Variants in TBX20 observed in about 807,000 individuals in gnomAD.
The protein encoded by TBX20 is T-box transcription factor 20.
TBX20 carries 8 observed loss-of-function variants against 42.9 expected under a neutral mutation model. That is an observed-to-expected ratio of 0.19 (90% confidence interval 0.11 to 0.34). The LOEUF (loss-of-function observed/expected upper bound fraction) is 0.34, where lower values mean the gene tolerates loss of function less well. Ranked by LOEUF, TBX20 falls within the 10% of genes least tolerant of loss-of-function variation. The pLI is 1.00. For missense variants in TBX20, 411 were observed against 566.0 expected (o/e 0.73, Z 2.78); for synonymous variants, 198 against 222.8 (o/e 0.89, Z 0.99).
At chr7:35,246,247 A>G (rs183571203) in intron 3 of TBX20, among the ~76,000 whole-genome samples, 5 of 152,292 alleles carry the variant, frequency 3.3e-5, no homozygotes, top group Admixed American at 3.3e-4. Context: ...CTACAGAGGA[A>G]CTGTAAAGGC....
At chr7:35,247,165 C>CAAAAA (rs757916672) in intron 3 of TBX20, among the ~76,000 whole-genome samples, 24 of 79,512 alleles carry the variant, frequency 3.0e-4, no homozygotes, top group South Asian at 1.1e-3. Flanking sequence ...GACTGGAGGG[C>CAAAAA]AAAAAAAAAA....
intron 1 of TBX20, 78 bp downstream of exon 1, chr7:35,253,416 G>C: frequency 6.5e-7 from 1 of 1,531,490 alleles, no homozygotes; most frequent in Non-Finnish European, 8.8e-7. Context: ...ACGTTGCTGC[G>C]AGCCGCCTGC....
At chr7:35,231,682 T>C (rs997424297) in intron 5 of TBX20, 102 bp from the exon 6 acceptor site, 6 of 787,542 alleles carry the variant, frequency 7.6e-6, no homozygotes, top group East Asian at 5.4e-5. Flanking sequence ...AATATCTTAA[T>C]GTTTCTCAGT....
At chr7:35,216,533 A>G (rs200291295) in intron 6 of TBX20, among the ~76,000 whole-genome samples, 1,133 of 144,290 alleles carry the variant, frequency 7.9e-3, no homozygotes, top group East Asian at 0.064. Context: ...TACCTGACAC[A>G]TAAGTGCTCA....
intron 7 of TBX20, among the ~76,000 whole-genome samples, chr7:35,203,580 T>C (rs1584337336): frequency 2.0e-5 from 3 of 152,244 alleles, no homozygotes; most frequent in South Asian, 2.1e-4. Flanking sequence ...ATGTAATACA[T>C]GTAACATACA....
rs150973568 is a variant in TBX20, at chr7:35,242,984, T to C, written c.655-1947A>G. On this transcript the variant is annotated intron_variant, in intron 4 of 7. Coordinates refer to ENST00000408931, the MANE Select transcript of TBX20 (RefSeq NM_001077653.2). ...TGGTGACAAAGGGTTATATTAAATATAATTTTTTTTTGAGACAGGGTCTTG... is the reference window on the plus strand; with the variant it reads ...TGGTGACAAAGGGTTATATTAAATACAATTTTTTTTTGAGACAGGGTCTTG... Among the ~76,000 whole-genome samples the C allele has an allele frequency of 2.6e-5, 4 of 152,260 alleles. No individual in the cohort carries two copies. The East Asian group carries it at 5.8e-4, about 22-fold the overall frequency.
chr7:35,243,799 A>G (rs1283284004), intron 4 of TBX20, among the ~76,000 whole-genome samples: 1 of 152,238 alleles, frequency 6.6e-6, no homozygotes, highest in African/African-American at 2.4e-5. Context: ...AGTTACTTCC[A>G]ATATCCCAAC....
intron 1 of TBX20, among the ~76,000 whole-genome samples, chr7:35,253,082 C>T (rs1030356914): frequency 6.6e-6 from 1 of 151,498 alleles, no homozygotes; most frequent in Admixed American, 6.6e-5. Flanking sequence ...CAGAGGAAAA[C>T]CAAAATTAAA....
intron 6 of TBX20, among the ~76,000 whole-genome samples, chr7:35,214,800 GAA>G (rs1789554173): frequency 6.6e-6 from 1 of 152,156 alleles, no homozygotes; most frequent in Non-Finnish European, 1.5e-5. Context: ...AATTTTACAT[GAA>G]CGTAGGAAAG....
intron 4 of TBX20, among the ~76,000 whole-genome samples, chr7:35,244,015 C>G (rs983679496): frequency 7.9e-5 from 12 of 152,208 alleles, no homozygotes; most frequent in African/African-American, 2.9e-4. Flanking sequence ...AACACTTCCT[C>G]TAAATTGCAT....
chr7:35,204,700 C>T, intron 6 of TBX20, 118 bp from the exon 7 acceptor site: 2 of 729,664 alleles, frequency 2.7e-6, no homozygotes, highest in Non-Finnish European at 2.4e-6. Context: ...AAAGCAACCA[C>T]TGCACAGAAA....
At chr7:35,248,533 C>T in intron 3 of TBX20, 144 bp downstream of exon 3, 1 of 845,016 alleles carries the variant, frequency 1.2e-6, no homozygotes, top group East Asian at 2.5e-5. Flanking sequence ...TTTGTGTAGT[C>T]AATCCTGGAG....
At position 35,244,976 on chromosome 7, in the gene TBX20, G is replaced by T. The variant is rs1225878672; in HGVS notation, c.627C>A (p.Thr209=). Residue 209 remains threonine (T), a synonymous_variant, in exon 4 of 8, where the codon ACC becomes ACA. Coordinates refer to ENST00000408931, the MANE Select transcript of TBX20 (RefSeq NM_001077653.2). ...GGCCATGTTGATCCAGTTCATTGTT[G>T]GTGAGTTTCACCTTTTCAAAAGACA... ...QMVSFEKVKL[T]NNELDQHGHI... 8 of 1,613,496 alleles carry T rather than the reference G, an allele frequency of 5.0e-6. No individual in the cohort carries two copies. The South Asian group carries it at 6.6e-5, about 13-fold the overall frequency.
Position 35,204,566 on chromosome 7 carries a change from G to C in TBX20, c.907C>G (p.Leu303Val). Reference sequence around the variant, plus strand: ...CGTGCATAGGAATGCTTTTGAATCAGGCTCTCCACACTTTCCCTAGGTTAG... The same window carrying C: ...CGTGCATAGGAATGCTTTTGAATCACGCTCTCCACACTTTCCCTAGGTTAG... Reference protein sequence around the residue: ...TDIERESVESLIQKHSYARSP... With the variant: ...TDIERESVESVIQKHSYARSP... The change falls in exon 7 of 8, where the codon CTG becomes GTG. Residue 303 changes from leucine to valine, a missense_variant. By Grantham distance (32) the Leu-to-Val change is conservative. Transcript: ENST00000408931. 6.2e-7 allele frequency: 1 copy of C among 1,613,596 alleles called. No individual in the cohort carries two copies. The highest frequency in any genetic ancestry group is 1.1e-5 in the South Asian group (1 of 91,016).
intron 5 of TBX20, among the ~76,000 whole-genome samples, chr7:35,236,380 T>C (rs1285870600): frequency 6.6e-6 from 1 of 152,110 alleles, no homozygotes. Context: ...TTATTTCCTA[T>C]ATATTTATTA....
In TBX20 at chr7:35,228,698, A is replaced by T. The variant is rs1254906590; in HGVS notation, c.890+2806T>A. 1.3e-5 allele frequency among the ~76,000 whole-genome samples: 2 copies of T among 152,140 alleles called. 1 individual carries two copies. Among genetic ancestry groups the T allele is most frequent in the East Asian group, 3.8e-4 (2 of 5,198 alleles). ...AGAAACATAAAATGCCAACTGAATG[A>T]CTGTCTAAAGCTTGTTATTATACGG... is the stretch of plus-strand genomic sequence containing the variant. On this transcript the variant is annotated intron_variant, in intron 6 of 7. Transcript: ENST00000408931.
intron 6 of TBX20, among the ~76,000 whole-genome samples, chr7:35,220,318 A>G (rs1400059850): frequency 6.6e-6 from 1 of 152,182 alleles, no homozygotes; most frequent in African/African-American, 2.4e-5. Flanking sequence ...AAGGAATCCC[A>G]CGGCAGCCCT....
chr7:35,238,719 T>C (rs1790015256), intron 5 of TBX20, among the ~76,000 whole-genome samples: 1 of 152,248 alleles, frequency 6.6e-6, no homozygotes. Flanking sequence ...TAGGCCTTTG[T>C]AGGCTTCCAT....
rs143324634 is a variant in TBX20, at chr7:35,216,845, C to T, written c.891-12263G>A. 6.3e-3 allele frequency among the ~76,000 whole-genome samples: 952 copies of T among 152,106 alleles called. 12 individuals are homozygous for T. Among genetic ancestry groups the T allele is most frequent in the African/African-American group, 0.02 (844 of 41,506 alleles). On this transcript the variant is annotated intron_variant, in intron 6 of 7. Coordinates refer to ENST00000408931, the MANE Select transcript of TBX20 (RefSeq NM_001077653.2). ...AAAATCAAATATAATTTATAAAAAA[C>T]AAAATATATAATGTTGTTTTTGCTC... is the stretch of plus-strand genomic sequence containing the variant.
Sources: gnomAD v4.1 joint callset for allele counts (sites outside exome capture counted in the v4.1 genomes callset) on GRCh38, gnomAD v4.1.1 for gene constraint, MANE v1.5 for transcripts, NCBI Gene and HGNC (gene_info 2026-07-23, HGNC 2026-07-21) for gene names.